The following IL18RAP variants were observed in gnomAD, a reference collection of about 807,000 sequenced individuals.
IL18RAP encodes the protein interleukin 18 receptor accessory protein, also known as interleukin-18 receptor accessory protein.
In IL18RAP, 37 loss-of-function variants were observed where a neutral mutation model predicts 58.1. The observed-to-expected ratio is 0.64, with a 90% CI of 0.49 to 0.84. IL18RAP has a LOEUF of 0.84. IL18RAP is among the 40% of genes least tolerant of loss of function. The probability of loss-of-function intolerance (pLI) is 0.00; values close to 1 mark genes in which losing one functional copy is unlikely to be tolerated. For synonymous variants in IL18RAP, 268 were observed against 257.5 expected (o/e 1.04, Z -0.39); for missense variants, 667 against 704.8 (o/e 0.95, Z 0.61).
chr2:102,425,591 T>C (rs1163755566), intron 3 of IL18RAP, among the ~76,000 whole-genome samples: 3 of 152,070 alleles, frequency 2.0e-5, no homozygotes. Flanking sequence ...GAGCCAATAG[T>C]TTTGTTCATT....
intron 3 of IL18RAP, among the ~76,000 whole-genome samples, chr2:102,431,350 T>A (rs1367630251): frequency 1.3e-5 from 2 of 152,250 alleles, no homozygotes; most frequent in Non-Finnish European, 2.9e-5. Flanking sequence ...TTCAATATTC[T>A]TTCTTTGTCT....
In IL18RAP at chr2:102,423,285, G is replaced by C; in HGVS notation, c.8G>C (p.Cys3Ser). 1 of 1,614,036 alleles carries C rather than the reference G, an allele frequency of 6.2e-7. No homozygotes were observed. Residue 3 changes from cysteine to serine, a missense_variant, in exon 1 of 10, where the codon TGT becomes TCT. By Grantham distance (112) the Cys-to-Ser change is moderately radical. Coordinates refer to ENST00000687160, the MANE Select transcript of IL18RAP (RefSeq NM_001393487.1). ML[C>S]LGWIFLWLVA... is the part of the protein sequence containing the mutation. Reference sequence around the variant, plus strand: ...CAGGAACACGGGAGAACAATGCTCTGTTTGGGCTGGATATTTCTTTGGCTT... The same window carrying C: ...CAGGAACACGGGAGAACAATGCTCTCTTTGGGCTGGATATTTCTTTGGCTT...
intron 9 of IL18RAP, 140 bp from the exon 10 acceptor site, chr2:102,451,626 T>A (rs1318346237): frequency 1.5e-6 from 1 of 685,308 alleles, no homozygotes; most frequent in Non-Finnish European, 2.5e-6. Flanking sequence ...TATCTCCAAC[T>A]GGCAATAGAG....
upstream of IL18RAP, among the ~76,000 whole-genome samples, chr2:102,422,755 G>C (rs1008633951): frequency 3.7e-4 from 56 of 152,232 alleles, no homozygotes; most frequent in African/African-American, 1.3e-3. Context: ...GAATAGACTA[G>C]TATATGCAAA....
chr2:102,443,379 C>T, intron 6 of IL18RAP, 56 bp downstream of exon 6: 1 of 1,577,438 alleles, frequency 6.3e-7, no homozygotes, highest in Non-Finnish European at 8.6e-7. Context: ...ATACTTCTAC[C>T]TTTAGAAATG....
At position 102,423,367 on chromosome 2, in the gene IL18RAP, A is replaced by G. The variant is rs1681701633; in HGVS notation, c.70+20A>G. The G allele has an allele frequency of 6.3e-7, 1 of 1,597,890 alleles. No homozygotes were observed. The highest frequency in any genetic ancestry group is 8.6e-7 in the Non-Finnish European group (1 of 1,165,186). ...TTTCAGGTAGGGGTTTTCACTTTTC[A>G]TGTTAGCACTGTGAGTCTGTGGTCA... On this transcript the variant is annotated intron_variant, in intron 1 of 9. Coordinates refer to ENST00000687160, the MANE Select transcript of IL18RAP (RefSeq NM_001393487.1).
At chr2:102,421,920 C>T (rs931673565), upstream of IL18RAP, among the ~76,000 whole-genome samples, 6 of 152,152 alleles carry the variant, frequency 3.9e-5, no homozygotes, top group Non-Finnish European at 8.8e-5. Context: ...GAAAGCAGTC[C>T]ATGCACCCTC....
rs952029311 is a variant in IL18RAP at position 102,424,472 on chromosome 2, A to G, written c.579+58A>G. The G allele has an allele frequency of 3.4e-6, 5 of 1,468,112 alleles. No homozygotes were observed. The African/African-American group carries it at 5.6e-5, about 17-fold the overall frequency. 90.9% of individuals were successfully genotyped at this position (1,468,112 alleles called of 1,614,324 possible). A position where few individuals can be genotyped will look rare whatever the true frequency, so the allele number is the denominator to read the frequency against. On this transcript the variant is annotated intron_variant, in intron 3 of 9. Coordinates refer to ENST00000687160, the MANE Select transcript of IL18RAP (RefSeq NM_001393487.1). ...GCATTGTTTTTATGGTATCTTCTTC[A>G]TGGGCTTTTCATGGAAAAGCGTGTT...
rs574510687 is a variant in IL18RAP at position 102,451,142 on chromosome 2, C to T, written c.1384+121C>T. 3 of 714,998 alleles carry T rather than the reference C, an allele frequency of 4.2e-6. No homozygotes were observed. In the African/African-American group the frequency reaches 5.4e-5, roughly 13 times the overall value. 44.3% of individuals were successfully genotyped at this position (714,998 alleles called of 1,614,324 possible). On this transcript the variant is annotated intron_variant, in intron 9 of 9. Coordinates refer to ENST00000687160, the MANE Select transcript of IL18RAP (RefSeq NM_001393487.1). ...TCTGGGAGATTACATGAGGTTAGAA[C>T]ATCTTGGGCAACAACACAGAAACTA...
At chr2:102,446,243 C>T (rs1282980937) in intron 7 of IL18RAP, among the ~76,000 whole-genome samples, 2 of 152,198 alleles carry the variant, frequency 1.3e-5, no homozygotes, top group East Asian at 3.9e-4. Flanking sequence ...CTGCCCATTC[C>T]CCTGGGGTCT....
At position 102,428,948 on chromosome 2, in the gene IL18RAP, T is replaced by C. The variant is rs772697596; in HGVS notation, c.579+4534T>C. Among the ~76,000 whole-genome samples, 46 of 152,010 alleles carry C rather than the reference T, an allele frequency of 3.0e-4. 1 individual carries two copies. The highest frequency in any genetic ancestry group is 3.8e-4 in the Non-Finnish European group (26 of 67,870). ...TTGTCAAATGATATTTCTGCATCGATTGAGATCATCATACAGTTTTTATCT... is the reference window on the plus strand; with the variant it reads ...TTGTCAAATGATATTTCTGCATCGACTGAGATCATCATACAGTTTTTATCT... On this transcript the variant is annotated intron_variant, in intron 3 of 9. Transcript: ENST00000687160.
chr2:102,428,136 A>C (rs1299705043), intron 3 of IL18RAP, among the ~76,000 whole-genome samples: 1 of 151,684 alleles, frequency 6.6e-6, no homozygotes, highest in Admixed American at 6.6e-5. Flanking sequence ...CGGAGTATGA[A>C]CCATCTAGCT....
chr2:102,438,932 G>A (rs1463348552), intron 4 of IL18RAP: 2 of 152,278 alleles, frequency 1.3e-5, no homozygotes, highest in African/African-American at 4.8e-5. Flanking sequence ...ACCCAACCTG[G>A]GGAAGCCCGC....
At chr2:102,445,824 A>C (rs1414811426) in intron 7 of IL18RAP, among the ~76,000 whole-genome samples, 10 of 152,186 alleles carry the variant, frequency 6.6e-5, no homozygotes, top group Admixed American at 5.9e-4. Flanking sequence ...ATATATTAAA[A>C]AAAAAAAAGC....
At chr2:102,443,673 G>A (rs1330899395) in intron 6 of IL18RAP, among the ~76,000 whole-genome samples, 2 of 152,076 alleles carry the variant, frequency 1.3e-5, no homozygotes, top group Non-Finnish European at 2.9e-5. Flanking sequence ...AGAGAGTGTG[G>A]GGGTACAGGG....
At chr2:102,426,152 A>AG (rs1462215755) in intron 3 of IL18RAP, among the ~76,000 whole-genome samples, 1 of 152,182 alleles carries the variant, frequency 6.6e-6, no homozygotes, top group East Asian at 1.9e-4. Context: ...GGCATTAGGC[A>AG]GGAAAAAACA....
intron 7 of IL18RAP, among the ~76,000 whole-genome samples, chr2:102,446,607 G>A (rs1573301055): frequency 1.3e-5 from 2 of 152,070 alleles, no homozygotes; most frequent in South Asian, 4.2e-4. Flanking sequence ...CCACCATCCT[G>A]GCTAACAAGG....
intron 3 of IL18RAP, among the ~76,000 whole-genome samples, chr2:102,430,384 T>A (rs565790613): frequency 1.3e-4 from 20 of 152,170 alleles, no homozygotes; most frequent in African/African-American, 4.8e-4. Context: ...ATCCCTGCTC[T>A]CTCTTGGTTT....
rs1343670213 is a variant in IL18RAP at position 102,433,088 on chromosome 2, TC to T, written c.580-4122del. On this transcript the variant is annotated intron_variant, in intron 3 of 9. Coordinates refer to ENST00000687160, the MANE Select transcript of IL18RAP (RefSeq NM_001393487.1). ...GAGTTTTGACGACATTGCTGTGACC[TC>T]CTGTTAGTAGGACTTGCACCTTGAA... Among the ~76,000 whole-genome samples the T allele has an allele frequency of 3.9e-5, 6 of 152,272 alleles. No individual in the cohort carries two copies. In the East Asian group the frequency reaches 1.2e-3, roughly 29 times the overall value.
Sources: allele counts gnomAD v4.1 joint callset (sites outside exome capture counted in the v4.1 genomes callset), GRCh38; gene constraint gnomAD v4.1.1; transcripts MANE v1.5; gene names NCBI Gene and HGNC (gene_info 2026-07-23, HGNC 2026-07-21).